The following FNBP1 variants were observed in gnomAD, a reference collection of about 807,000 sequenced individuals.
The protein encoded by FNBP1 is formin-binding protein 1.
In FNBP1, 26 loss-of-function variants were observed where a neutral mutation model predicts 90.6. The ratio of observed to expected loss-of-function variants is 0.29; its 90% CI spans 0.21 to 0.40. The LOEUF (loss-of-function observed/expected upper bound fraction) is 0.40. Ranked by LOEUF, FNBP1 falls within the 10% of genes least tolerant of loss-of-function variation. The pLI is 1.00. For synonymous variants in FNBP1, 260 were observed against 265.2 expected (o/e 0.98, Z 0.19); for missense variants, 635 against 768.0 (o/e 0.83, Z 2.05).
intron 16 of FNBP1, among the ~76,000 whole-genome samples, chr9:129,891,401 G>A (rs1588314327): frequency 6.6e-6 from 1 of 152,154 alleles, no homozygotes; most frequent in African/African-American, 2.4e-5. Flanking sequence ...GGAGGTCGAG[G>A]CTGCAGCGAG....
intron 12 of FNBP1, among the ~76,000 whole-genome samples, chr9:129,904,455 C>T (rs1032285521): frequency 6.6e-6 from 1 of 152,120 alleles, no homozygotes; most frequent in Admixed American, 6.5e-5. Context: ...AAATGACTGC[C>T]AGGGTTAAGG....
At position 130,033,327 on chromosome 9, in the gene FNBP1, C is replaced by A. The variant is rs940688195; in HGVS notation, c.24+9625G>T. 5.9e-5 allele frequency among the ~76,000 whole-genome samples: 9 copies of A among 152,288 alleles called. No individual in the cohort carries two copies. In the East Asian group the frequency reaches 9.6e-4, roughly 16 times the overall value. On this transcript the variant is annotated intron_variant, in intron 1 of 16. Transcript: ENST00000446176. ...GGTAAGCAAGGCAACCCAGGCTGAG[C>A]CCTCCAGCACTGCCTCACTCAACTG...
upstream of FNBP1, among the ~76,000 whole-genome samples, chr9:130,044,117 A>C (rs2132502833): frequency 6.6e-6 from 1 of 152,350 alleles, no homozygotes; most frequent in African/African-American, 2.4e-5. Context: ...GTTCCTGACA[A>C]GCTATGGAAA....
intron 7 of FNBP1, 151 bp downstream of exon 7, chr9:129,929,416 A>C (rs2042392688): frequency 1.4e-6 from 1 of 701,232 alleles, no homozygotes; most frequent in Non-Finnish European, 2.2e-6. Flanking sequence ...TCTCAAAAAA[A>C]AAAAAAAAAA....
intron 1 of FNBP1, among the ~76,000 whole-genome samples, chr9:130,006,589 G>A (rs1275266163): frequency 6.6e-6 from 1 of 152,148 alleles, no homozygotes; most frequent in Non-Finnish European, 1.5e-5. Flanking sequence ...AGAATCGCTT[G>A]ACCCCAGGAG....
chr9:129,907,580 G>GGGGGGTGTGTGTGT (rs942734835), intron 12 of FNBP1, among the ~76,000 whole-genome samples: 2 of 147,108 alleles, frequency 1.4e-5, no homozygotes, highest in African/African-American at 5.0e-5. Flanking sequence ...TAGGAGTGAG[G>GGGGGGTGTGTGTGT]GTGTGTGTGT....
rs180904122 is a variant in FNBP1, at chr9:130,006,872, G to A, written c.25-11914C>T. Among the ~76,000 whole-genome samples, 99 of 152,202 alleles carry A rather than the reference G, an allele frequency of 6.5e-4. No homozygotes were observed. The East Asian group carries it at 0.017, about 27-fold the overall frequency. ...GCAAATATATGATAAAAATATATGT[G>A]TGGGTTAAAAAAATAAAACTTAGCT... On this transcript the variant is annotated intron_variant, in intron 1 of 16. Transcript: ENST00000446176.
intron 1 of FNBP1, among the ~76,000 whole-genome samples, chr9:130,001,751 T>G (rs2054884857): frequency 1.3e-5 from 2 of 151,710 alleles, no homozygotes; most frequent in Admixed American, 1.3e-4. Flanking sequence ...TAGCCGGGCA[T>G]GGTGGCTCAC....
chr9:130,043,054 C>T lies in FNBP1; in HGVS notation c.-79G>A. 8.4e-7 allele frequency: 1 copy of T among 1,197,256 alleles called. No individual in the cohort carries two copies. 74.2% of individuals were successfully genotyped at this position (1,197,256 alleles called of 1,614,324 possible). On this transcript the variant is annotated 5_prime_UTR_variant, in exon 1 of 17. Coordinates refer to ENST00000446176, the MANE Select transcript of FNBP1 (RefSeq NM_015033.3). ...CCCTCCCCGGCGATCCCTTTGCCCC[C>T]CGAGATCCCCGCGACGGCGGAAAGC...
At position 129,924,021 on chromosome 9, in the gene FNBP1, C is replaced by A; in HGVS notation, c.993G>T (p.Met331Ile). The change falls in exon 10 of 17, where the codon ATG becomes ATT. Residue 331 changes from methionine (M) to isoleucine (I), a missense_variant. Met to Ile is a conservative substitution (Grantham distance 10, BLOSUM62 1). Transcript: ENST00000446176. ...LWPFIKKNKL[M>I]SLLTSPHQPP... is the part of the protein sequence containing the mutation. ...GCTGATGGGGGGATGTTAAAAGGGA[C>A]ATAAGCTACATGTAAGAGATGGAGC... 6.6e-7 allele frequency: 1 copy of A among 1,511,930 alleles called. No homozygotes were observed. Among genetic ancestry groups the A allele is most frequent in the South Asian group, 1.3e-5 (1 of 79,438 alleles). The allele number at this position is 1,511,930 out of a possible 1,614,324, so 93.7% of individuals were successfully genotyped here. A position where few individuals can be genotyped will look rare whatever the true frequency, so the allele number is the denominator to read the frequency against.
At chr9:130,032,530 A>G (rs1036600849) in intron 1 of FNBP1, among the ~76,000 whole-genome samples, 3 of 152,198 alleles carry the variant, frequency 2.0e-5, no homozygotes, top group African/African-American at 4.8e-5. Flanking sequence ...TTACATACAC[A>G]TATACACTTA....
chr9:129,901,982 C>T (rs979787842), intron 13 of FNBP1, among the ~76,000 whole-genome samples: 23 of 152,150 alleles, frequency 1.5e-4, no homozygotes, highest in African/African-American at 5.3e-4. Flanking sequence ...CTGGTAGAAT[C>T]GGTTGCTAAT....
intron 1 of FNBP1, among the ~76,000 whole-genome samples, chr9:130,039,314 G>A (rs2059620179): frequency 6.6e-6 from 1 of 152,132 alleles, no homozygotes; most frequent in South Asian, 2.1e-4. Context: ...TGATTAAAAG[G>A]CAATGTTATG....
chr9:130,045,974 T>C (rs566150792), upstream of FNBP1, among the ~76,000 whole-genome samples: 1 of 152,280 alleles, frequency 6.6e-6, no homozygotes, highest in African/African-American at 2.4e-5. Flanking sequence ...ATGTAAACGC[T>C]GATATTATCT....
the FNBP1 span, chr9:130,053,654 G>C: frequency 2.0e-6 from 1 of 488,762 alleles, no homozygotes; most frequent in South Asian, 2.3e-5. Flanking sequence ...GCGGAGGTGC[G>C]GCCCGGGCTG....
In FNBP1 at chr9:129,954,994, CA is replaced by C. The variant is rs993946130; in HGVS notation, c.513+2365del. Among the ~76,000 whole-genome samples, 123 of 139,224 alleles carry C rather than the reference CA, an allele frequency of 8.8e-4. 1 individual carries two copies. The highest frequency in any genetic ancestry group is 3.5e-3 in the Middle Eastern group (1 of 282). 91.3% of individuals were successfully genotyped at this position (139,224 alleles called of 152,430 possible). A position where few individuals can be genotyped will look rare whatever the true frequency, so the allele number is the denominator to read the frequency against. ...GGGCAACAAGAGTGAAACTTCGTCC[CA>C]AAAAAAAAAAAATCATTCTTAATGG... On this transcript the variant is annotated intron_variant, in intron 6 of 16. Transcript: ENST00000446176.
chr9:129,916,272 T>G, intron 10 of FNBP1: 1 of 370,442 alleles, frequency 2.7e-6, no homozygotes, highest in Non-Finnish European at 4.9e-6. Flanking sequence ...CACCTCAGCC[T>G]AGATGTAAAT....
At chr9:130,053,576 A>C in the FNBP1 span, 1 of 307,544 alleles carries the variant, frequency 3.3e-6, no homozygotes. Flanking sequence ...TGCGGCTGAC[A>C]CAGCTTATCC....
At chr9:129,960,892 C>G (rs1419730324) in intron 4 of FNBP1, among the ~76,000 whole-genome samples, 1 of 151,888 alleles carries the variant, frequency 6.6e-6, no homozygotes, top group Admixed American at 6.6e-5. Flanking sequence ...AATGAGCTGC[C>G]CAGGGTGACT....
Sources: gnomAD v4.1 joint callset for allele counts (sites outside exome capture counted in the v4.1 genomes callset) on GRCh38, gnomAD v4.1.1 for gene constraint, MANE v1.5 for transcripts, NCBI Gene and HGNC (gene_info 2026-07-23, HGNC 2026-07-21) for gene names.